The following MEIKIN variants were observed in gnomAD, a reference collection of about 807,000 sequenced individuals.
MEIKIN encodes the protein meiotic kinetochore factor.
intron 9 of MEIKIN, among the ~76,000 whole-genome samples, chr5:131,869,184 G>A (rs192413930): frequency 1.1e-3 from 174 of 152,316 alleles, no homozygotes; most frequent in Non-Finnish European, 1.2e-3. Context: ...CTAGGTTCAT[G>A]TTTTTGCATT....
At chr5:131,808,281 T>G (rs1364645467) in intron 12 of MEIKIN, among the ~76,000 whole-genome samples, 2 of 152,206 alleles carry the variant, frequency 1.3e-5, no homozygotes, top group African/African-American at 4.8e-5. Context: ...CTGGGTAACT[T>G]CCCAAATGGG....
At position 131,807,152 on chromosome 5, in the gene MEIKIN, A is replaced by C. The variant is rs1311205465; in HGVS notation, c.*84T>G. 2.5e-6 allele frequency: 1 copy of C among 398,244 alleles called. No homozygotes were observed. The highest frequency in any genetic ancestry group is 2.1e-5 in the African/African-American group (1 of 48,606). 24.7% of individuals were successfully genotyped at this position (398,244 alleles called of 1,614,324 possible). On this transcript the variant is annotated 3_prime_UTR_variant, in exon 13 of 13. Coordinates refer to ENST00000442687, the MANE Select transcript of MEIKIN (RefSeq NM_001303622.2). ...AATTTTTAATTTTTAATTTCATATAATTTCAGGCAGACATTCTGCTTTATA... is the reference window on the plus strand; with the variant it reads ...AATTTTTAATTTTTAATTTCATATACTTTCAGGCAGACATTCTGCTTTATA...
intron 8 of MEIKIN, among the ~76,000 whole-genome samples, chr5:131,900,358 G>A (rs1054705288): frequency 6.6e-6 from 1 of 152,204 alleles, no homozygotes; most frequent in Non-Finnish European, 1.5e-5. Context: ...CCTGCAGAGG[G>A]CTAAGGCGCA....
chr5:131,859,435 T>G (rs953608382), intron 9 of MEIKIN, among the ~76,000 whole-genome samples: 1 of 152,320 alleles, frequency 6.6e-6, no homozygotes, highest in Admixed American at 6.5e-5. Flanking sequence ...TGGAATGGCT[T>G]AGCACCATCC....
intron 8 of MEIKIN, among the ~76,000 whole-genome samples, chr5:131,888,420 T>C (rs1387173684): frequency 6.6e-6 from 1 of 152,134 alleles, no homozygotes; most frequent in Non-Finnish European, 1.5e-5. Flanking sequence ...TGTGAGATGG[T>C]ATCTCATTGT....
intron 11 of MEIKIN, among the ~76,000 whole-genome samples, chr5:131,840,222 G>GA (rs1749880197): frequency 6.6e-6 from 1 of 152,308 alleles, no homozygotes; most frequent in African/African-American, 2.4e-5. Flanking sequence ...TTTGTGCTGA[G>GA]AGTTTCATTG....
At chr5:131,813,270 C>T (rs572030336) in intron 12 of MEIKIN, among the ~76,000 whole-genome samples, 20 of 152,282 alleles carry the variant, frequency 1.3e-4, no homozygotes, top group Non-Finnish European at 1.8e-4. Context: ...TATGCAGGTA[C>T]TGCCTTAAAG....
At chr5:131,891,230 G>A (rs897062035) in intron 8 of MEIKIN, among the ~76,000 whole-genome samples, 1 of 152,142 alleles carries the variant, frequency 6.6e-6, no homozygotes. Flanking sequence ...ATGTCTATTA[G>A]GTGCGCTTGG....
rs189743013 is a variant in MEIKIN, at chr5:131,866,608, T to C, written c.775-11774A>G. On this transcript the variant is annotated intron_variant, in intron 9 of 12. Transcript: ENST00000442687. ...CTAGAGCAGGCAGTGGAATTTGTCT[T>C]TGGAGTGTGTGAGAATGCACAGTTG... 2.7e-3 allele frequency among the ~76,000 whole-genome samples: 407 copies of C among 152,202 alleles called. 3 individuals carry two copies. The highest frequency in any genetic ancestry group is 9.3e-3 in the African/African-American group (386 of 41,538).
intron 11 of MEIKIN, among the ~76,000 whole-genome samples, chr5:131,824,662 AG>A (rs1305787290): frequency 6.6e-6 from 1 of 152,226 alleles, no homozygotes; most frequent in African/African-American, 2.4e-5. Context: ...AGATAGATAA[AG>A]AAAGAATTAG....
intron 12 of MEIKIN, among the ~76,000 whole-genome samples, chr5:131,817,484 C>T (rs1286526363): frequency 1.3e-5 from 2 of 151,602 alleles, no homozygotes; most frequent in East Asian, 1.9e-4. Flanking sequence ...GGCGTGGTGG[C>T]GGGTGCCTGT....
intron 8 of MEIKIN, among the ~76,000 whole-genome samples, chr5:131,902,227 G>A (rs1164317336): frequency 1.3e-5 from 2 of 152,132 alleles, no homozygotes. Flanking sequence ...GAGCTCAGGG[G>A]TTCGAGACCA....
chr5:131,821,550 T>C (rs1332871460), intron 11 of MEIKIN, among the ~76,000 whole-genome samples: 3 of 152,024 alleles, frequency 2.0e-5, no homozygotes, highest in African/African-American at 7.2e-5. Flanking sequence ...TGTTTCTTTG[T>C]TGATTTTCTG....
intron 8 of MEIKIN, among the ~76,000 whole-genome samples, chr5:131,894,491 G>C (rs1341046634): frequency 6.6e-6 from 1 of 152,192 alleles, no homozygotes; most frequent in Non-Finnish European, 1.5e-5. Flanking sequence ...ACCTTGGGCA[G>C]TATGGCCATT....
Position 131,826,106 on chromosome 5 carries a change from T to A in MEIKIN, c.976-7243A>T, listed in dbSNP as rs558676538. 3.9e-3 allele frequency among the ~76,000 whole-genome samples: 452 copies of A among 117,038 alleles called. 1 individual carries two copies. Among genetic ancestry groups the A allele is most frequent in the African/African-American group, 0.013 (432 of 34,034 alleles). The allele number at this position is 117,038 out of a possible 152,430, so 76.8% of individuals were successfully genotyped here. Reference sequence around the variant, plus strand: ...GTTTTCTTTTTTTTTTTTTTTTTTTTACTAGAGATGGGATCTCGCTATATT... The same window carrying A: ...GTTTTCTTTTTTTTTTTTTTTTTTTAACTAGAGATGGGATCTCGCTATATT... On this transcript the variant is annotated intron_variant, in intron 11 of 12. Transcript: ENST00000442687.
intron 8 of MEIKIN, among the ~76,000 whole-genome samples, chr5:131,901,688 A>T (rs1751159318): frequency 6.6e-6 from 1 of 152,154 alleles, no homozygotes; most frequent in African/African-American, 2.4e-5. Context: ...GCCTGATACC[A>T]GCCCCACAGA....
intron 9 of MEIKIN, among the ~76,000 whole-genome samples, chr5:131,876,331 C>T (rs962251350): frequency 4.0e-5 from 6 of 151,554 alleles, no homozygotes; most frequent in Non-Finnish European, 8.8e-5. Flanking sequence ...AAAAAGTGGG[C>T]GAAGGATATG....
intron 4 of MEIKIN, among the ~76,000 whole-genome samples, chr5:131,934,254 C>G (rs1372251976): frequency 2.0e-5 from 3 of 152,028 alleles, no homozygotes; most frequent in Non-Finnish European, 4.4e-5. Flanking sequence ...AGCCACCGTG[C>G]CCAGCCAAAA....
At chr5:131,900,951 G>A (rs1222047067) in intron 8 of MEIKIN, among the ~76,000 whole-genome samples, 2 of 152,090 alleles carry the variant, frequency 1.3e-5, no homozygotes, top group Non-Finnish European at 1.5e-5. Context: ...CACCTAGACC[G>A]CTTTGCTTGC....
Sources: allele counts gnomAD v4.1 joint callset (sites outside exome capture counted in the v4.1 genomes callset), GRCh38; gene constraint gnomAD v4.1.1; transcripts MANE v1.5; gene names NCBI Gene and HGNC (gene_info 2026-07-23, HGNC 2026-07-21).